Variants in UBASH3B observed in about 807,000 individuals in gnomAD.
UBASH3B encodes ubiquitin-associated and SH3 domain-containing protein B.
Under a neutral mutation model 83.4 loss-of-function variants are expected in UBASH3B, and 37 were observed. The observed-to-expected ratio is 0.44, with a 90% CI of 0.34 to 0.58. The LOEUF is 0.58. Ranked by LOEUF, UBASH3B falls within the 20% of genes least tolerant of loss-of-function variation. UBASH3B has a pLI of 0.01. For synonymous variants in UBASH3B, 304 were observed against 318.3 expected (o/e 0.96, Z 0.48); for missense variants, 657 against 827.2 (o/e 0.79, Z 2.52).
At chr11:122,690,969 T>C (rs530128849) in intron 1 of UBASH3B, among the ~76,000 whole-genome samples, 43 of 152,334 alleles carry the variant, frequency 2.8e-4, no homozygotes, top group African/African-American at 9.4e-4. Context: ...AGTGCTTAAA[T>C]GGTTTACCGA....
At chr11:122,682,176 C>T (rs1306370472) in intron 1 of UBASH3B, among the ~76,000 whole-genome samples, 1 of 152,160 alleles carries the variant, frequency 6.6e-6, no homozygotes, top group East Asian at 1.9e-4. Context: ...ACCATGAGGC[C>T]TTGGACAAAT....
intron 1 of UBASH3B, among the ~76,000 whole-genome samples, chr11:122,693,934 A>G (rs937331246): frequency 6.6e-6 from 1 of 152,198 alleles, no homozygotes; most frequent in Non-Finnish European, 1.5e-5. Context: ...TCATTCAGTC[A>G]TTCACCCAGT....
intron 1 of UBASH3B, among the ~76,000 whole-genome samples, chr11:122,715,154 C>T (rs1010579499): frequency 1.3e-5 from 2 of 152,116 alleles, no homozygotes; most frequent in South Asian, 4.1e-4. Flanking sequence ...ACCGTGTTAG[C>T]CAGGATGGTC....
At chr11:122,798,891 G>A (rs369987367) in intron 9 of UBASH3B, 51 bp from the exon 10 acceptor site, 128 of 1,543,320 alleles carry the variant, frequency 8.3e-5, no homozygotes, top group Non-Finnish European at 1.1e-4. Context: ...GCGGGTCAAG[G>A]TGAGACTGAG....
intron 1 of UBASH3B, among the ~76,000 whole-genome samples, chr11:122,694,958 T>C (rs7131279): frequency 0.11 from 11,328 of 107,722 alleles, 559 homozygotes; most frequent in African/African-American, 0.18. Flanking sequence ...TTCTTTCTTT[T>C]TTTTTTTTTT....
At chr11:122,662,400 G>C (rs977519701) in intron 1 of UBASH3B, among the ~76,000 whole-genome samples, 1 of 151,036 alleles carries the variant, frequency 6.6e-6, no homozygotes, top group Admixed American at 6.6e-5. Context: ...CCCCAACCCT[G>C]AGCAGCCACC....
intron 1 of UBASH3B, among the ~76,000 whole-genome samples, chr11:122,658,178 GA>G (rs1254190970): frequency 3.1e-3 from 347 of 111,294 alleles, no homozygotes; most frequent in Middle Eastern, 0.026. Flanking sequence ...TTCATCTCAA[GA>G]AAAAAAAAAA....
At position 122,671,441 on chromosome 11, in the gene UBASH3B, TG is replaced by T. The variant is rs140335122; in HGVS notation, c.161+15234del. Among the ~76,000 whole-genome samples the T allele has an allele frequency of 4.9e-3, 747 of 152,346 alleles. 4 individuals are homozygous for T. The highest frequency in any genetic ancestry group is 8.1e-3 in the Non-Finnish European group (554 of 68,032). On this transcript the variant is annotated intron_variant, in intron 1 of 13. Coordinates refer to ENST00000284273, the MANE Select transcript of UBASH3B (RefSeq NM_032873.5). Reference sequence around the variant, plus strand: ...CCACTGAGCAATCAAGATACCCTCCTGGGACGTCAGGCCTCAGATCTGCAGC... The same window carrying T: ...CCACTGAGCAATCAAGATACCCTCCTGGACGTCAGGCCTCAGATCTGCAGC...
intron 1 of UBASH3B, among the ~76,000 whole-genome samples, chr11:122,742,095 G>GGTCTTCTCAGGGATC (rs1861035524): frequency 6.6e-6 from 1 of 152,208 alleles, no homozygotes; most frequent in East Asian, 1.9e-4. Flanking sequence ...CACAGTCCAA[G>GGTCTTCTCAGGGATC]GTCTTCTCAG....
intron 1 of UBASH3B, among the ~76,000 whole-genome samples, chr11:122,695,994 G>C (rs929428376): frequency 7.2e-5 from 11 of 152,210 alleles, no homozygotes; most frequent in African/African-American, 2.4e-4. Flanking sequence ...CTGTTGCCCA[G>C]GCTGGAGTGT....
chr11:122,713,727 C>T (rs1416768090), intron 1 of UBASH3B, among the ~76,000 whole-genome samples: 1 of 130,134 alleles, frequency 7.7e-6, no homozygotes, highest in African/African-American at 2.9e-5. Flanking sequence ...GCCTGGGCGA[C>T]AAAGCGAGAC....
chr11:122,662,925 C>A lies in UBASH3B; in HGVS notation c.161+6715C>A, dbSNP rs79252903. On this transcript the variant is annotated intron_variant, in intron 1 of 13. Coordinates refer to ENST00000284273, the MANE Select transcript of UBASH3B (RefSeq NM_032873.5). ...GGATGTGCTAGTAGGGTAATTATAA[C>A]CCCTTGCACACAGCTTCTATGAAAA... Among the ~76,000 whole-genome samples the A allele has an allele frequency of 4.5e-3, 675 of 151,534 alleles. 2 individuals carry two copies. Among genetic ancestry groups the A allele is most frequent in the Middle Eastern group, 0.011 (3 of 284 alleles).
rs1256525217 is a variant in UBASH3B at position 122,759,397 on chromosome 11, C to T, written c.162-16822C>T. ...GTGGAAGACAGTTTTTCCACTGACC[C>T]GGGTGGTGGTGTGATGGTTTGGGGA... On this transcript the variant is annotated intron_variant, in intron 1 of 13. Coordinates refer to ENST00000284273, the MANE Select transcript of UBASH3B (RefSeq NM_032873.5). The surrounding 1 kb of genome is among the most constrained non-coding windows in gnomAD (Gnocchi z 4.1). Among the ~76,000 whole-genome samples the T allele has an allele frequency of 2.0e-5, 3 of 152,102 alleles. No individual in the cohort carries two copies. Among genetic ancestry groups the T allele is most frequent in the Admixed American group, 6.5e-5 (1 of 15,282 alleles).
At chr11:122,735,298 A>T (rs969768543) in intron 1 of UBASH3B, among the ~76,000 whole-genome samples, 2 of 152,234 alleles carry the variant, frequency 1.3e-5, no homozygotes, top group African/African-American at 4.8e-5. Context: ...TAGATGGGCA[A>T]TGAAATTTAC....
intron 6 of UBASH3B, among the ~76,000 whole-genome samples, chr11:122,790,816 T>C (rs1861040579): frequency 6.6e-6 from 1 of 151,928 alleles, no homozygotes; most frequent in Non-Finnish European, 1.5e-5. Context: ...CTGGGCGTGG[T>C]GGCATACACC....
chr11:122,681,469 C>G (rs1591766376), intron 1 of UBASH3B, among the ~76,000 whole-genome samples: 1 of 152,136 alleles, frequency 6.6e-6, no homozygotes, highest in Non-Finnish European at 1.5e-5. Flanking sequence ...ATATAAGTCC[C>G]AGACAAGCCA....
At chr11:122,700,715 T>A (rs1864031395) in intron 1 of UBASH3B, among the ~76,000 whole-genome samples, 1 of 152,214 alleles carries the variant, frequency 6.6e-6, no homozygotes, top group Non-Finnish European at 1.5e-5. Context: ...CAAGCTGGTC[T>A]TGAACTCCTG....
chr11:122,800,756 C>T (rs556842577), intron 10 of UBASH3B, among the ~76,000 whole-genome samples: 15 of 151,986 alleles, frequency 9.9e-5, no homozygotes, highest in East Asian at 3.9e-4. Context: ...CACAAGTGCA[C>T]GCCTCCACAC....
chr11:122,753,262 T>C (rs1299236527), intron 1 of UBASH3B, among the ~76,000 whole-genome samples: 2 of 151,458 alleles, frequency 1.3e-5, no homozygotes, highest in Non-Finnish European at 2.9e-5. Context: ...TGGCTCCTGG[T>C]CAACATGGTG....
Sources: allele counts gnomAD v4.1 joint callset (sites outside exome capture counted in the v4.1 genomes callset), GRCh38; gene constraint gnomAD v4.1.1; non-coding constraint Gnocchi (gnomAD v3.1); transcripts MANE v1.5; gene names NCBI Gene and HGNC (gene_info 2026-07-23, HGNC 2026-07-21).